Variants in FAM168A observed in about 807,000 individuals in gnomAD.
FAM168A encodes the protein family with sequence similarity 168 member A.
FAM168A carries 3 observed loss-of-function variants against 28.5 expected under a neutral mutation model. The ratio of observed to expected loss-of-function variants is 0.11; its 90% confidence interval spans 0.05 to 0.27. The LOEUF (loss-of-function observed/expected upper bound fraction) is 0.27. Ranked by LOEUF, FAM168A falls within the 10% of genes least tolerant of loss-of-function variation. The pLI is 1.00. For missense variants in FAM168A, 222 were observed against 311.5 expected (o/e 0.71, Z 2.16); for synonymous variants, 122 against 124.2 (o/e 0.98, Z 0.12).
intron 1 of FAM168A, among the ~76,000 whole-genome samples, chr11:73,496,062 TATACACACATGCATACACACAACCCGC>T (rs1339586747): frequency 6.6e-6 from 1 of 152,140 alleles, no homozygotes; most frequent in East Asian, 1.9e-4. Context: ...GAAAATGTTG[TATACACACATGCATACACACAACCCGC>T]ATACACACAA....
Position 73,584,679 on chromosome 11 carries a change from G to A in FAM168A, c.-19+13244C>T, listed in dbSNP as rs558051190. On this transcript the variant is annotated intron_variant, in intron 1 of 7. Coordinates refer to ENST00000356467, the MANE Select transcript of FAM168A (RefSeq NM_015159.3). ...TTTTTAGTAGAGACAGGGTTTCACC[G>A]TGTTAGCCAGGATGGTCTTGATCTC... 4.3e-3 allele frequency among the ~76,000 whole-genome samples: 657 copies of A among 151,808 alleles called. 2 individuals carry two copies. The highest frequency in any genetic ancestry group is 6.6e-3 in the Non-Finnish European group (449 of 67,916).
At chr11:73,434,287 A>G (rs1867050415) in intron 2 of FAM168A, among the ~76,000 whole-genome samples, 1 of 152,168 alleles carries the variant, frequency 6.6e-6, no homozygotes, top group Non-Finnish European at 1.5e-5. Flanking sequence ...AGGGTGGGAG[A>G]AGGCACCCTT....
intron 1 of FAM168A, among the ~76,000 whole-genome samples, chr11:73,480,499 C>A (rs1270095162): frequency 6.6e-6 from 1 of 151,992 alleles, no homozygotes; most frequent in Non-Finnish European, 1.5e-5. Flanking sequence ...CAATTCTCTG[C>A]CCTTAAAAGA....
intron 2 of FAM168A, among the ~76,000 whole-genome samples, chr11:73,440,772 TA>T (rs1276693940): frequency 6.6e-6 from 1 of 152,082 alleles, no homozygotes; most frequent in Non-Finnish European, 1.5e-5. Context: ...ATTAACTAAT[TA>T]AAACATAAAG....
At chr11:73,594,374 T>C (rs1389584574) in intron 1 of FAM168A, among the ~76,000 whole-genome samples, 1 of 151,786 alleles carries the variant, frequency 6.6e-6, no homozygotes, top group Non-Finnish European at 1.5e-5. Context: ...TCTGGGATTA[T>C]GGGCGTGAGC....
At chr11:73,536,755 T>G (rs112165703) in intron 1 of FAM168A, among the ~76,000 whole-genome samples, 2,360 of 152,204 alleles carry the variant, frequency 0.016, 29 homozygotes, top group Non-Finnish European at 0.024. Context: ...ATTCACTTCA[T>G]AGGGGCAAGA....
chr11:73,495,012 A>AAG (rs1555027399), intron 1 of FAM168A, among the ~76,000 whole-genome samples: 1 of 151,748 alleles, frequency 6.6e-6, no homozygotes, highest in African/African-American at 2.4e-5. Context: ...TCAAAAAAAA[A>AAG]AGAAGAAAAA....
intron 1 of FAM168A, among the ~76,000 whole-genome samples, chr11:73,477,930 TAG>T (rs1867911988): frequency 1.1e-5 from 1 of 90,884 alleles, no homozygotes; most frequent in Non-Finnish European, 2.3e-5. Context: ...TGTAGATAGA[TAG>T]ATAGATAGAT....
At chr11:73,500,357 CA>C (rs1417694067) in intron 1 of FAM168A, among the ~76,000 whole-genome samples, 1 of 148,446 alleles carries the variant, frequency 6.7e-6, no homozygotes, top group Non-Finnish European at 1.5e-5. Context: ...CTCCAGGGTT[CA>C]AGGGATTCTC....
chr11:73,506,744 A>G (rs566153722), intron 1 of FAM168A, among the ~76,000 whole-genome samples: 1 of 152,310 alleles, frequency 6.6e-6, no homozygotes, highest in South Asian at 2.1e-4. Context: ...TCACATACAT[A>G]ATAATGAAAC....
At chr11:73,464,008 C>T (rs1867692415) in intron 2 of FAM168A, among the ~76,000 whole-genome samples, 2 of 151,960 alleles carry the variant, frequency 1.3e-5, no homozygotes, top group African/African-American at 2.4e-5. Flanking sequence ...AATTAAAATC[C>T]ATTTTCCAGG....
At chr11:73,468,295 C>T in intron 2 of FAM168A, 110 bp downstream of exon 2, 2 of 996,502 alleles carry the variant, frequency 2.0e-6, no homozygotes, top group East Asian at 2.5e-5. Flanking sequence ...CTGCATGTTC[C>T]CAAACTTTCC....
chr11:73,441,203 C>A (rs199562119), intron 2 of FAM168A, among the ~76,000 whole-genome samples: 3 of 152,172 alleles, frequency 2.0e-5, no homozygotes, highest in East Asian at 3.9e-4. Context: ...GGATTACAGG[C>A]ACATGCCACC....
At chr11:73,480,699 A>G (rs1028852725) in intron 1 of FAM168A, among the ~76,000 whole-genome samples, 1 of 151,638 alleles carries the variant, frequency 6.6e-6, no homozygotes. Context: ...ACCATTTTAC[A>G]AAACAAACAA....
chr11:73,476,889 A>T (rs895395484), intron 1 of FAM168A, among the ~76,000 whole-genome samples: 4 of 152,116 alleles, frequency 2.6e-5, no homozygotes, highest in Admixed American at 6.6e-5. Flanking sequence ...AAGTTATACA[A>T]TCTGAAAAAC....
chr11:73,419,789 T>C, intron 4 of FAM168A, 85 bp downstream of exon 4: 2 of 1,529,806 alleles, frequency 1.3e-6, no homozygotes, highest in Non-Finnish European at 1.8e-6. Flanking sequence ...TAAATGTCAT[T>C]TTAAAAAGCT....
chr11:73,408,780 C>CAA (rs61669430), intron 6 of FAM168A, among the ~76,000 whole-genome samples: 10,360 of 97,226 alleles, frequency 0.11, 494 homozygotes, highest in Non-Finnish European at 0.14. Context: ...GACCCTGTCT[C>CAA]AAAAAAAAAA....
At chr11:73,446,510 T>C (rs975171606) in intron 2 of FAM168A, among the ~76,000 whole-genome samples, 4 of 152,222 alleles carry the variant, frequency 2.6e-5, no homozygotes, top group African/African-American at 9.6e-5. Context: ...GAAAGGTCTC[T>C]GACACACACT....
rs1866412997 is a variant in FAM168A, at chr11:73,401,618, C to T, written c.*5145G>A. 1 of 152,226 alleles carries T rather than the reference C, an allele frequency of 6.6e-6. No homozygotes were observed. 9.4% of individuals were successfully genotyped at this position (152,226 alleles called of 1,614,324 possible). Reference sequence around the variant, plus strand: ...CTGTTCTCCTTAGGAAGGAAAATCCCCCTGCTATCAGTGGCTGGAATGGGT... The same window carrying T: ...CTGTTCTCCTTAGGAAGGAAAATCCTCCTGCTATCAGTGGCTGGAATGGGT... On this transcript the variant is annotated 3_prime_UTR_variant, in exon 8 of 8. Coordinates refer to ENST00000356467, the MANE Select transcript of FAM168A (RefSeq NM_015159.3).
Sources: gnomAD v4.1 joint callset for allele counts (sites outside exome capture counted in the v4.1 genomes callset) on GRCh38, gnomAD v4.1.1 for gene constraint, MANE v1.5 for transcripts, NCBI Gene and HGNC (gene_info 2026-07-23, HGNC 2026-07-21) for gene names.